Variants in VPS35L observed in about 807,000 individuals in gnomAD.
VPS35L encodes VPS35 endosomal protein sorting factor like.
In VPS35L, 83 loss-of-function variants were observed where a neutral mutation model predicts 133.0. The observed-to-expected ratio is 0.62, with a 90% CI of 0.52 to 0.75. VPS35L has a LOEUF of 0.75. Among genes scored for constraint, VPS35L ranks in the 30% least tolerant of loss-of-function variants. The pLI, the probability that VPS35L is intolerant of heterozygous loss-of-function variation, is 0.00. For synonymous variants in VPS35L, 423 were observed against 449.9 expected (o/e 0.94, Z 0.76); for missense variants, 1,083 against 1,206.8 (o/e 0.90, Z 1.52).
rs559952760 is a variant in VPS35L at position 19,694,265 on chromosome 16, G to C, written c.2646+2794G>C. On this transcript the variant is annotated intron_variant, in intron 29 of 30. Coordinates refer to ENST00000417362, the MANE Select transcript of VPS35L (RefSeq NM_020314.7). ...TGCATATCTGAGGCTCATGAATCAA[G>C]ATGAGAAAATAAAACCCTAAATACA... 5 of 152,230 alleles carry C rather than the reference G, an allele frequency of 3.3e-5. No individual in the cohort carries two copies. In the East Asian group the frequency reaches 9.7e-4, roughly 29 times the overall value. The allele number at this position is 152,230 out of a possible 1,614,324, so 9.4% of individuals were successfully genotyped here.
At chr16:19,632,971 G>T in intron 18 of VPS35L, 121 bp from the exon 19 acceptor site, 1 of 766,214 alleles carries the variant, frequency 1.3e-6, no homozygotes, top group Non-Finnish European at 2.3e-6. Flanking sequence ...GCAGAATACT[G>T]AAATTGATTT....
chr16:19,686,654 G>A (rs1054122814), intron 28 of VPS35L, among the ~76,000 whole-genome samples: 5 of 152,066 alleles, frequency 3.3e-5, no homozygotes, highest in Non-Finnish European at 5.9e-5. Flanking sequence ...TCTCCCCCTC[G>A]TGAGAGCCAC....
chr16:19,658,552 G>A (rs886907456), intron 26 of VPS35L, among the ~76,000 whole-genome samples: 4 of 152,126 alleles, frequency 2.6e-5, no homozygotes, highest in Non-Finnish European at 5.9e-5. Flanking sequence ...AAAAAGAGAC[G>A]ACAGGCCATT....
intron 3 of VPS35L, among the ~76,000 whole-genome samples, chr16:19,572,383 A>G (rs1971411032): frequency 6.6e-6 from 1 of 152,094 alleles, no homozygotes; most frequent in African/African-American, 2.4e-5. Flanking sequence ...ACGTCACTGC[A>G]CTCCAGCCTG....
chr16:19,585,811 AC>A (rs1266212793), intron 7 of VPS35L, among the ~76,000 whole-genome samples: 2 of 152,114 alleles, frequency 1.3e-5, no homozygotes, highest in African/African-American at 2.4e-5. Context: ...ATCTTTGTAC[AC>A]GCTTATTGGC....
chr16:19,657,986 C>T (rs1026611494), intron 26 of VPS35L, among the ~76,000 whole-genome samples: 2 of 152,134 alleles, frequency 1.3e-5, no homozygotes, highest in Admixed American at 1.3e-4. Flanking sequence ...AAGCTTGTCG[C>T]CCACGTTCAC....
At chr16:19,662,179 G>A (rs1974506858) in intron 26 of VPS35L, among the ~76,000 whole-genome samples, 1 of 151,958 alleles carries the variant, frequency 6.6e-6, no homozygotes, top group Non-Finnish European at 1.5e-5. Context: ...ATCCAGCCTG[G>A]GCAGCAGAGC....
At chr16:19,656,436 G>A (rs1228368402) in intron 26 of VPS35L, among the ~76,000 whole-genome samples, 1 of 151,622 alleles carries the variant, frequency 6.6e-6, no homozygotes, top group African/African-American at 2.4e-5. Context: ...ATGGAGATGT[G>A]GAATTACATG....
chr16:19,674,429 C>G (rs1406705452), intron 27 of VPS35L, among the ~76,000 whole-genome samples: 3 of 151,832 alleles, frequency 2.0e-5, no homozygotes, highest in Admixed American at 2.0e-4. Flanking sequence ...CTCCTGAGCT[C>G]AAGTGATCTG....
chr16:19,557,159 C>A (rs899981184), intron 1 of VPS35L, among the ~76,000 whole-genome samples: 1 of 152,004 alleles, frequency 6.6e-6, no homozygotes, highest in Non-Finnish European at 1.5e-5. Flanking sequence ...ATGAAAAAGT[C>A]ATGCTGGCTT....
At chr16:19,623,775 AT>A (rs1408390053) in intron 14 of VPS35L, among the ~76,000 whole-genome samples, 15 of 91,810 alleles carry the variant, frequency 1.6e-4, no homozygotes, top group Admixed American at 1.5e-3. Context: ...ATTTATTATT[AT>A]TATTATTATT....
chr16:19,587,797 CTTT>C (rs775544331), intron 7 of VPS35L, among the ~76,000 whole-genome samples: 9 of 118,958 alleles, frequency 7.6e-5, no homozygotes, highest in Non-Finnish European at 8.5e-5. Context: ...TCCACATTGT[CTTT>C]TTTTTTTTTT....
At chr16:19,696,790 A>G (rs150650480) in intron 29 of VPS35L, among the ~76,000 whole-genome samples, 2 of 152,340 alleles carry the variant, frequency 1.3e-5, no homozygotes, top group African/African-American at 4.8e-5. Context: ...ATGGAGAAAT[A>G]GCCAATTAGG....
At chr16:19,626,501 C>A (rs1278434847) in intron 15 of VPS35L, among the ~76,000 whole-genome samples, 1 of 152,178 alleles carries the variant, frequency 6.6e-6, no homozygotes, top group African/African-American at 2.4e-5. Flanking sequence ...GTGGCTGATG[C>A]CTGTAATCCC....
intron 20 of VPS35L, among the ~76,000 whole-genome samples, chr16:19,638,030 A>G (rs1170140054): frequency 6.6e-6 from 1 of 152,192 alleles, no homozygotes; most frequent in Non-Finnish European, 1.5e-5. Context: ...TGTTGAAACT[A>G]TGAAATACAT....
At chr16:19,627,565 A>ATTTT in intron 15 of VPS35L, 129 bp from the exon 16 acceptor site, 1 of 690,814 alleles carries the variant, frequency 1.4e-6, no homozygotes, top group African/African-American at 1.8e-5. Context: ...TTTTACTCTG[A>ATTTT]TTTTTTGTTT....
At chr16:19,618,799 C>T (rs978106766) in intron 14 of VPS35L, among the ~76,000 whole-genome samples, 1 of 152,118 alleles carries the variant, frequency 6.6e-6, no homozygotes, top group Admixed American at 6.6e-5. Flanking sequence ...TAGCGCCCCA[C>T]ATCTTAGTAC....
chr16:19,562,697 G>A (rs1314638689), intron 1 of VPS35L, among the ~76,000 whole-genome samples: 1 of 152,046 alleles, frequency 6.6e-6, no homozygotes, highest in Non-Finnish European at 1.5e-5. Flanking sequence ...GAAATGTAAA[G>A]ACAATCATTT....
chr16:19,591,182 G>A (rs1972031825), intron 7 of VPS35L, among the ~76,000 whole-genome samples: 1 of 152,030 alleles, frequency 6.6e-6, no homozygotes, highest in Admixed American at 6.6e-5. Context: ...GAAGCCTTGG[G>A]GATTTACTTA....
Sources: gnomAD v4.1 joint callset for allele counts (sites outside exome capture counted in the v4.1 genomes callset) on GRCh38, gnomAD v4.1.1 for gene constraint, MANE v1.5 for transcripts, NCBI Gene and HGNC (gene_info 2026-07-23, HGNC 2026-07-21) for gene names.